Variants in LRRC4C observed in about 807,000 individuals in gnomAD.
LRRC4C encodes the protein leucine-rich repeat-containing protein 4C.
A neutral mutation model predicts 33.6 loss-of-function variants in LRRC4C; 5 were observed. The observed-to-expected ratio is 0.15, with a 90% CI of 0.08 to 0.31. The LOEUF (loss-of-function observed/expected upper bound fraction) is 0.31. LRRC4C is among the 10% of genes least tolerant of loss of function. LRRC4C has a pLI of 1.00. For synonymous variants in LRRC4C, 329 were observed against 302.0 expected (o/e 1.09, Z -0.93); for missense variants, 560 against 796.7 (o/e 0.70, Z 3.58).
intron 1 of LRRC4C, among the ~76,000 whole-genome samples, chr11:41,200,840 G>A (rs1251593050): frequency 6.6e-6 from 1 of 152,182 alleles, no homozygotes; most frequent in East Asian, 1.9e-4. Context: ...TATTTGCTAA[G>A]TTATCTAAAC....
chr11:40,797,003 A>G (rs1254938131), intron 2 of LRRC4C, among the ~76,000 whole-genome samples: 6 of 152,194 alleles, frequency 3.9e-5, no homozygotes, highest in Non-Finnish European at 1.5e-5. Context: ...AACTTGAGCA[A>G]TATCTCTGGA....
At chr11:40,755,907 T>C (rs1948924703) in intron 2 of LRRC4C, among the ~76,000 whole-genome samples, 1 of 152,126 alleles carries the variant, frequency 6.6e-6, no homozygotes, top group African/African-American at 2.4e-5. Context: ...GAACCCCCAG[T>C]ATTTCAGAAT....
At chr11:40,806,329 T>C (rs1393163118) in intron 2 of LRRC4C, among the ~76,000 whole-genome samples, 1 of 152,214 alleles carries the variant, frequency 6.6e-6, no homozygotes, top group Non-Finnish European at 1.5e-5. Flanking sequence ...TCTCCATCTA[T>C]CTGTCCATGT....
rs79520690 is a variant in LRRC4C at position 41,405,139 on chromosome 11, T to C, written c.-496+54292A>G. ...GTTCATATGATGCTTTCAAACAAAA[T>C]AAACTGATAATAGAATAAACATACA... On this transcript the variant is annotated intron_variant, in intron 1 of 6. Transcript: ENST00000528697. Among the ~76,000 whole-genome samples the C allele has an allele frequency of 7.9e-4, 120 of 152,176 alleles. 1 individual carries two copies. In the East Asian group the frequency reaches 0.021, roughly 26 times the overall value.
chr11:41,294,437 C>T (rs1950080670), intron 1 of LRRC4C, among the ~76,000 whole-genome samples: 1 of 152,134 alleles, frequency 6.6e-6, no homozygotes, highest in African/African-American at 2.4e-5. Flanking sequence ...GATTTGCCTT[C>T]CTTCCTCAAC....
At chr11:40,186,408 A>G (rs1283318157) in intron 5 of LRRC4C, among the ~76,000 whole-genome samples, 5 of 152,296 alleles carry the variant, frequency 3.3e-5, no homozygotes, top group Non-Finnish European at 2.9e-5. Context: ...AAAATAGGAC[A>G]TGACTAAGAT....
rs183301394 is a variant in LRRC4C, at chr11:40,640,419, G to A, written c.-270+7723C>T. ...ATGAACTATTGCCTTTATCATGTTA[G>A]GTCCTTTTTAAAGAGGTGCAATATT... On this transcript the variant is annotated intron_variant, in intron 3 of 6. Coordinates refer to ENST00000528697, the MANE Select transcript of LRRC4C (RefSeq NM_001258419.2). 5.8e-4 allele frequency among the ~76,000 whole-genome samples: 88 copies of A among 151,922 alleles called. 1 individual carries two copies. The highest frequency in any genetic ancestry group is 2.0e-3 in the African/African-American group (84 of 41,440).
chr11:40,358,806 T>A (rs1166400702), intron 3 of LRRC4C, among the ~76,000 whole-genome samples: 6 of 152,146 alleles, frequency 3.9e-5, no homozygotes, highest in Non-Finnish European at 5.9e-5. Context: ...TTGATAGTAA[T>A]CATCCTTTGA....
intron 3 of LRRC4C, among the ~76,000 whole-genome samples, chr11:40,369,871 T>C (rs902893864): frequency 6.6e-6 from 1 of 152,128 alleles, no homozygotes; most frequent in African/African-American, 2.4e-5. Context: ...AGCAAATACC[T>C]AAACAACGTT....
At chr11:40,543,248 C>T (rs753348777) in intron 3 of LRRC4C, among the ~76,000 whole-genome samples, 4 of 151,900 alleles carry the variant, frequency 2.6e-5, no homozygotes, top group Non-Finnish European at 4.4e-5. Flanking sequence ...TAATGATTCA[C>T]AATGTTGATA....
chr11:40,301,669 T>C (rs1206987261), intron 4 of LRRC4C, among the ~76,000 whole-genome samples: 1 of 152,104 alleles, frequency 6.6e-6, no homozygotes, highest in Non-Finnish European at 1.5e-5. Context: ...ATGATAGCCT[T>C]GTTTTCCCCA....
rs530166863 is a variant in LRRC4C, at chr11:41,131,327, T to C, written c.-495-197604A>G. The stretch of plus-strand genomic sequence containing the variant: ...CTTCTCTCCATTCATCCCATTCAAA[T>C]GTACAACTACTTTAAACATATGTAT... On this transcript the variant is annotated intron_variant, in intron 1 of 6. Coordinates refer to ENST00000528697, the MANE Select transcript of LRRC4C (RefSeq NM_001258419.2). Among the ~76,000 whole-genome samples, 4 of 152,190 alleles carry C rather than the reference T, an allele frequency of 2.6e-5. No individual in the cohort carries two copies. In the East Asian group the frequency reaches 7.7e-4, roughly 29 times the overall value.
chr11:41,097,741 G>T (rs1940903674), intron 1 of LRRC4C, among the ~76,000 whole-genome samples: 1 of 152,012 alleles, frequency 6.6e-6, no homozygotes, highest in South Asian at 2.1e-4. Context: ...TCTTGAGGAT[G>T]GTAACAAAGT....
intron 4 of LRRC4C, among the ~76,000 whole-genome samples, chr11:40,261,959 CA>C (rs1238981823): frequency 2.0e-5 from 3 of 152,146 alleles, no homozygotes; most frequent in African/African-American, 7.2e-5. Flanking sequence ...GCAATGGCAA[CA>C]AAAGCCAAAA....
chr11:40,533,930 G>A (rs1956370523), intron 3 of LRRC4C, among the ~76,000 whole-genome samples: 1 of 152,108 alleles, frequency 6.6e-6, no homozygotes, highest in African/African-American at 2.4e-5. Flanking sequence ...TTTATTATGA[G>A]CATCAAGTAA....
At chr11:40,345,994 A>G (rs1590386495) in intron 3 of LRRC4C, among the ~76,000 whole-genome samples, 1 of 152,188 alleles carries the variant, frequency 6.6e-6, no homozygotes, top group Non-Finnish European at 1.5e-5. Flanking sequence ...CAAAAACACA[A>G]TAAGACACCA....
At chr11:41,247,967 G>A (rs1948507819) in intron 1 of LRRC4C, among the ~76,000 whole-genome samples, 1 of 152,122 alleles carries the variant, frequency 6.6e-6, no homozygotes, top group South Asian at 2.1e-4. Flanking sequence ...GTCAAACGAT[G>A]TCTGAGACCC....
At chr11:40,505,730 T>C (rs1955000767) in intron 3 of LRRC4C, among the ~76,000 whole-genome samples, 1 of 152,170 alleles carries the variant, frequency 6.6e-6, no homozygotes, top group Non-Finnish European at 1.5e-5. Flanking sequence ...CTTTACTAGG[T>C]TTGGAGTAAG....
intron 1 of LRRC4C, among the ~76,000 whole-genome samples, chr11:41,414,366 T>C (rs1954601195): frequency 6.6e-6 from 1 of 152,174 alleles, no homozygotes. Context: ...ATGCCACACG[T>C]GAAAGAGAGC....
Sources: gnomAD v4.1 joint callset for allele counts (sites outside exome capture counted in the v4.1 genomes callset) on GRCh38, gnomAD v4.1.1 for gene constraint, MANE v1.5 for transcripts, NCBI Gene and HGNC (gene_info 2026-07-23, HGNC 2026-07-21) for gene names.